Variants in RIC3 observed in about 807,000 individuals in gnomAD.
RIC3 encodes the protein RIC3 acetylcholine receptor chaperone, also known as protein RIC-3.
A neutral mutation model predicts 27.3 loss-of-function variants in RIC3; 28 were observed. That is an observed-to-expected ratio of 1.02 (90% CI 0.76 to 1.41). RIC3 has a LOEUF of 1.41. RIC3 is among the 40% of genes most tolerant of loss of function. The probability of loss-of-function intolerance (pLI) is 0.00; values close to 1 mark genes in which losing one functional copy is unlikely to be tolerated. For missense variants in RIC3, 501 were observed against 444.7 expected, an observed-to-expected ratio of 1.13 and a Z score of -1.14; for synonymous variants, 184 against 160.4, an observed-to-expected ratio of 1.15 and a Z score of -1.11.
chr11:8,136,924 A>C (rs1948488369), intron 4 of RIC3, among the ~76,000 whole-genome samples: 1 of 152,214 alleles, frequency 6.6e-6, no homozygotes. Flanking sequence ...TTAAATGATA[A>C]AGAATACGTA....
chr11:8,112,928 A>G (rs1301707859), intron 5 of RIC3, among the ~76,000 whole-genome samples: 1 of 152,258 alleles, frequency 6.6e-6, no homozygotes, highest in African/African-American at 2.4e-5. Flanking sequence ...GGGAATGGAC[A>G]TTATAAAAGC....
the RIC3 span, among the ~76,000 whole-genome samples, chr11:8,100,302 A>G: frequency 6.6e-6 from 1 of 152,178 alleles, no homozygotes; most frequent in African/African-American, 2.4e-5. Context: ...AGAAGCAAGG[A>G]TGACGCATAA....
In RIC3 at chr11:8,140,060, A is replaced by T. The variant is rs1948873786; in HGVS notation, c.258T>A (p.Ala86=). ...GACCTCTTCCACTACCTCCTCCTCC[A>T]GCACCTCCACCTGATCCTTTGGCCT... The part of the protein sequence containing the change: ...FAKAKGSGGG[A]GGGGSGRGLM... The change falls in exon 2 of 6, where the codon GCT becomes GCA. Residue 86 remains alanine, a synonymous_variant. Transcript: ENST00000309737. The T allele has an allele frequency of 1.2e-5, 20 of 1,614,090 alleles. No homozygotes were observed. The highest frequency in any genetic ancestry group is 1.6e-5 in the Non-Finnish European group (19 of 1,180,022).
At chr11:8,114,620 G>GA (rs1347157038) in intron 5 of RIC3, among the ~76,000 whole-genome samples, 3 of 119,296 alleles carry the variant, frequency 2.5e-5, no homozygotes, top group African/African-American at 9.8e-5. Context: ...AAAAAAAAAA[G>GA]AAAGAAAGAA....
At chr11:8,100,201 C>T in the RIC3 span, among the ~76,000 whole-genome samples, 1 of 152,170 alleles carries the variant, frequency 6.6e-6, no homozygotes, top group Non-Finnish European at 1.5e-5. Context: ...ACAGAAACTG[C>T]TGATGGATTA....
rs1241653048 is a variant in RIC3 at position 8,137,372 on chromosome 11, AC to A, written c.521+5del. 6.2e-7 allele frequency: 1 copy of A among 1,610,656 alleles called. No homozygotes were observed. Among genetic ancestry groups the A allele is most frequent in the Non-Finnish European group, 8.5e-7 (1 of 1,177,374 alleles). On this transcript the variant is annotated splice_donor_5th_base_variant and intron_variant, in intron 4 of 5. Coordinates refer to ENST00000309737, the MANE Select transcript of RIC3 (RefSeq NM_001206671.4). The stretch of plus-strand genomic sequence containing the variant: ...ATAGTCTGAGTCCCGTTACATGAAA[AC>A]CTACCTCTCACCATTAGGTCCCACT...
At chr11:8,099,228 G>T in the RIC3 span, among the ~76,000 whole-genome samples, 179 of 152,174 alleles carry the variant, frequency 1.2e-3, no homozygotes, top group African/African-American at 4.2e-3. Flanking sequence ...TGGATTACAC[G>T]GCACTTTGTC....
downstream of RIC3, chr11:8,102,874 T>C (rs774543714): frequency 2.0e-5 from 3 of 150,184 alleles, no homozygotes; most frequent in Non-Finnish European, 4.4e-5. Flanking sequence ...GATTTCTTTG[T>C]TCCCACTGTC....
rs565663820 is a variant in RIC3 at position 8,131,245 on chromosome 11, T to C, written c.522-4438A>G. 8.5e-5 allele frequency among the ~76,000 whole-genome samples: 13 copies of C among 152,310 alleles called. No homozygotes were observed. In the South Asian group the frequency reaches 2.5e-3, roughly 29 times the overall value. ...CTGACCTCACGGAGCCTACAGTCTT[T>C]TGCAGCAAGACAGACTTATTAATTA... On this transcript the variant is annotated intron_variant, in intron 4 of 5. Transcript: ENST00000309737.
At position 8,138,360 on chromosome 11, in the gene RIC3, G is replaced by A; in HGVS notation, c.352-13C>T. On this transcript the variant is annotated splice_polypyrimidine_tract_variant and intron_variant, in intron 2 of 5. Transcript: ENST00000309737. ...TCCCCTTTGAGAGCTGAGAATTGAAGGAGGTATAGCACATCAACAGCAGCT... is the reference window on the plus strand; with the variant it reads ...TCCCCTTTGAGAGCTGAGAATTGAAAGAGGTATAGCACATCAACAGCAGCT... 1 of 1,581,668 alleles carries A rather than the reference G, an allele frequency of 6.3e-7. No individual in the cohort carries two copies. The highest frequency in any genetic ancestry group is 8.7e-7 in the Non-Finnish European group (1 of 1,150,840).
chr11:8,132,831 A>T (rs79784487), intron 4 of RIC3, among the ~76,000 whole-genome samples: 1,756 of 152,316 alleles, frequency 0.012, 37 homozygotes, highest in African/African-American at 0.039. Context: ...TGACAGAACA[A>T]ATACTGGAAT....
chr11:8,156,434 G>T (rs1364641031), intron 1 of RIC3, among the ~76,000 whole-genome samples: 1 of 152,098 alleles, frequency 6.6e-6, no homozygotes, highest in Non-Finnish European at 1.5e-5. Context: ...GAGTTTACAA[G>T]AATTACAGAT....
chr11:8,128,487 T>C (rs1209101524), intron 4 of RIC3: 1 of 344,646 alleles, frequency 2.9e-6, no homozygotes, highest in East Asian at 7.6e-5. Flanking sequence ...TATGCATTAA[T>C]CATGGTCTAC....
Position 8,165,713 on chromosome 11 carries a change from C to CAAAAA in RIC3, c.124+3148_124+3152dup, listed in dbSNP as rs33913120. ...AATTAGATCTCAAGAAAGCTGTTAT[C>CAAAAA]AAAAAAAAAAAAGACTTCCCTCCTC... is the stretch of plus-strand genomic sequence containing the variant. On this transcript the variant is annotated intron_variant, in intron 1 of 5. Coordinates refer to ENST00000309737, the MANE Select transcript of RIC3 (RefSeq NM_001206671.4). 1.3e-4 allele frequency among the ~76,000 whole-genome samples: 17 copies of CAAAAA among 134,806 alleles called. No homozygotes were observed. The South Asian group carries it at 3.8e-3, about 30-fold the overall frequency. 88.4% of individuals were successfully genotyped at this position (134,806 alleles called of 152,430 possible). A position where few individuals can be genotyped will look rare whatever the true frequency, so the allele number is the denominator to read the frequency against.
intron 1 of RIC3, among the ~76,000 whole-genome samples, chr11:8,147,724 A>ATT (rs900780947): frequency 0.05 from 6,279 of 124,392 alleles, 187 homozygotes; most frequent in South Asian, 0.077. Flanking sequence ...CTTGCGTAAG[A>ATT]TTTTTTTTTT....
At chr11:8,098,093 TG>T in the RIC3 span, among the ~76,000 whole-genome samples, 1 of 150,460 alleles carries the variant, frequency 6.6e-6, no homozygotes, top group Non-Finnish European at 1.5e-5. Context: ...AACCCCAGGG[TG>T]TCACTGATAA....
In RIC3 at chr11:8,110,531, C is replaced by A; in HGVS notation, c.*167G>T. The A allele has an allele frequency of 1.4e-6, 1 of 711,856 alleles. No homozygotes were observed. Among genetic ancestry groups the A allele is most frequent in the South Asian group, 1.5e-5 (1 of 66,296 alleles). 44.1% of individuals were successfully genotyped at this position (711,856 alleles called of 1,614,324 possible). ...CTAATGTCCGTGTTTTACAAGGTGA[C>A]AGGTGTGTGAGCACCAGGAAGGATA... On this transcript the variant is annotated 3_prime_UTR_variant, in exon 6 of 6. Transcript: ENST00000309737.
chr11:8,167,639 G>GC (rs1951819658), intron 1 of RIC3, among the ~76,000 whole-genome samples: 1 of 55,186 alleles, frequency 1.8e-5, no homozygotes, highest in African/African-American at 6.5e-5. Context: ...ATAATGGAAA[G>GC]TAAAAAAAAA....
intron 1 of RIC3, among the ~76,000 whole-genome samples, chr11:8,147,884 C>A (rs903198395): frequency 6.6e-6 from 1 of 152,124 alleles, no homozygotes; most frequent in South Asian, 2.1e-4. Context: ...TGTGCCACCA[C>A]GCCCAACTAA....
Sources: gnomAD v4.1 joint callset for allele counts (sites outside exome capture counted in the v4.1 genomes callset) on GRCh38, gnomAD v4.1.1 for gene constraint, MANE v1.5 for transcripts, NCBI Gene and HGNC (gene_info 2026-07-23, HGNC 2026-07-21) for gene names.